The following ABHD12 variants were observed in gnomAD, a reference collection of about 807,000 sequenced individuals.
ABHD12 encodes the protein lysophosphatidylserine lipase ABHD12.
A neutral mutation model predicts 58.3 loss-of-function variants in ABHD12; 43 were observed. The ratio of observed to expected loss-of-function variants is 0.74; its 90% CI spans 0.58 to 0.95. The LOEUF is 0.95. ABHD12 is among the 40% of genes least tolerant of loss of function. ABHD12 has a pLI of 0.00. For missense variants in ABHD12, 539 were observed against 537.2 expected (o/e 1.00, Z -0.03); for synonymous variants, 219 against 211.2 (o/e 1.04, Z -0.32).
intron 2 of ABHD12, among the ~76,000 whole-genome samples, chr20:25,329,331 G>A (rs1006040972): frequency 9.9e-5 from 15 of 152,170 alleles, no homozygotes; most frequent in Non-Finnish European, 7.3e-5. Flanking sequence ...CTTCTGAACC[G>A]GGAGCTCCTC....
In ABHD12 at chr20:25,359,423, C is replaced by CAAAAA. The variant is rs565367954; in HGVS notation, c.192-20077_192-20073dup. Among the ~76,000 whole-genome samples, 260 of 63,034 alleles carry CAAAAA rather than the reference C, an allele frequency of 4.1e-3. 5 individuals are homozygous for CAAAAA. The highest frequency in any genetic ancestry group is 9.2e-3 in the African/African-American group (222 of 24,030). The allele number at this position is 63,034 out of a possible 152,430, so 41.4% of individuals were successfully genotyped here. ...TGGGCCACAGAGCGAGACTCCGTCT[C>CAAAAA]AAAAAAAAAAAAAAAAAAAAAACAT... On this transcript the variant is annotated intron_variant, in intron 1 of 12. Transcript: ENST00000339157.
chr20:25,305,293 G>C (rs1568712519), intron 10 of ABHD12, among the ~76,000 whole-genome samples: 1 of 151,714 alleles, frequency 6.6e-6, no homozygotes, highest in African/African-American at 2.4e-5. Context: ...TACTTGATGG[G>C]AAAAAATACT....
At chr20:25,370,446 A>G (rs1450511963) in intron 1 of ABHD12, among the ~76,000 whole-genome samples, 1 of 152,366 alleles carries the variant, frequency 6.6e-6, no homozygotes, top group Admixed American at 6.5e-5. Context: ...GCACAGCCGC[A>G]GAGTCACCAA....
chr20:25,381,508 T>C (rs2090021336), intron 1 of ABHD12, among the ~76,000 whole-genome samples: 1 of 152,142 alleles, frequency 6.6e-6, no homozygotes, highest in African/African-American at 2.4e-5. Flanking sequence ...CATTAACTGA[T>C]CAGGATGGAC....
chr20:25,322,851 T>G (rs1600797337), intron 3 of ABHD12, among the ~76,000 whole-genome samples: 1 of 152,012 alleles, frequency 6.6e-6, no homozygotes, highest in East Asian at 1.9e-4. Flanking sequence ...GCCTCCCAAG[T>G]AGCTGGGATT....
At chr20:25,352,842 A>G (rs2089619246) in intron 1 of ABHD12, among the ~76,000 whole-genome samples, 1 of 152,114 alleles carries the variant, frequency 6.6e-6, no homozygotes, top group Non-Finnish European at 1.5e-5. Context: ...ACAGGAGTTC[A>G]GGACCAGCCT....
chr20:25,303,307 T>C, intron 11 of ABHD12: 2 of 1,394,770 alleles, frequency 1.4e-6, no homozygotes, highest in Non-Finnish European at 1.9e-6. Flanking sequence ...TTCATATTCT[T>C]GGAGACAGCA....
chr20:25,303,336 A>C (rs1309586304), intron 11 of ABHD12: 1 of 1,455,340 alleles, frequency 6.9e-7, no homozygotes, highest in East Asian at 2.6e-5. Context: ...CCCCTGCCCC[A>C]ACCTTTACAC....
In ABHD12 at chr20:25,361,833, T is replaced by C. The variant is rs936470774; in HGVS notation, c.192-22482A>G. Among the ~76,000 whole-genome samples the C allele has an allele frequency of 2.6e-5, 4 of 152,058 alleles. No homozygotes were observed. The East Asian group carries it at 5.8e-4, about 22-fold the overall frequency. The stretch of plus-strand genomic sequence containing the variant: ...AGCTGGGCGTGGTGGCGGGCGCCTG[T>C]AGTCCCAGCTACTCGGGAGGTTGAG... On this transcript the variant is annotated intron_variant, in intron 1 of 12. Coordinates refer to ENST00000339157, the MANE Select transcript of ABHD12 (RefSeq NM_001042472.3).
At chr20:25,334,426 A>T (rs1302384198) in intron 2 of ABHD12, among the ~76,000 whole-genome samples, 66 of 148,144 alleles carry the variant, frequency 4.5e-4, no homozygotes, top group Admixed American at 8.7e-4. Flanking sequence ...GCTACCAATG[A>T]CTTTCTTCAC....
chr20:25,330,612 G>T (rs1238946712), intron 2 of ABHD12, among the ~76,000 whole-genome samples: 4 of 152,252 alleles, frequency 2.6e-5, no homozygotes. Context: ...CGCACCTGGA[G>T]ATCTGAGAAC....
At chr20:25,341,428 AG>A (rs962231034) in intron 1 of ABHD12, among the ~76,000 whole-genome samples, 1 of 152,220 alleles carries the variant, frequency 6.6e-6, no homozygotes, top group Admixed American at 6.5e-5. Context: ...CTTTTCAATG[AG>A]GGTACATTAA....
intron 1 of ABHD12, among the ~76,000 whole-genome samples, chr20:25,351,002 CACACACA>C (rs1341632093): frequency 1.9e-3 from 217 of 116,540 alleles, no homozygotes; most frequent in South Asian, 2.2e-3. Flanking sequence ...CACACACACA[CACACACA>C]CCCTTATTAA....
At chr20:25,376,933 G>GA (rs948669581) in intron 1 of ABHD12, among the ~76,000 whole-genome samples, 87 of 151,096 alleles carry the variant, frequency 5.8e-4, no homozygotes, top group Non-Finnish European at 1.1e-3. Context: ...TTTGGAATCA[G>GA]AAAAAAAAAT....
At chr20:25,306,254 AT>A (rs1465425820) in intron 10 of ABHD12, among the ~76,000 whole-genome samples, 2 of 152,134 alleles carry the variant, frequency 1.3e-5, no homozygotes, top group African/African-American at 4.8e-5. Flanking sequence ...TTCACAAACC[AT>A]TTTGAAATAA....
chr20:25,295,482 C>T, downstream of ABHD12: 9 of 1,140,148 alleles, frequency 7.9e-6, no homozygotes, highest in Non-Finnish European at 9.1e-6. Context: ...GTGGGTGGGC[C>T]CCTTCGCTCC....
intron 1 of ABHD12, among the ~76,000 whole-genome samples, chr20:25,377,613 A>G (rs1437179581): frequency 6.6e-6 from 1 of 152,056 alleles, no homozygotes; most frequent in Non-Finnish European, 1.5e-5. Context: ...CCCTCAATAA[A>G]CCATTAATCT....
chr20:25,329,131 C>T (rs1271241981), intron 2 of ABHD12, among the ~76,000 whole-genome samples: 1 of 152,230 alleles, frequency 6.6e-6, no homozygotes, highest in African/African-American at 2.4e-5. Flanking sequence ...GCCACTGACT[C>T]TTTGTGGCCC....
In ABHD12 at chr20:25,301,029, A is replaced by G. The variant is rs954576604; in HGVS notation, c.1158-145T>C. 7 of 833,472 alleles carry G rather than the reference A, an allele frequency of 8.4e-6. No homozygotes were observed. The African/African-American group carries it at 1.2e-4, about 14-fold the overall frequency. The allele number at this position is 833,472 out of a possible 1,614,324, so 51.6% of individuals were successfully genotyped here. On this transcript the variant is annotated intron_variant, in intron 12 of 12. Transcript: ENST00000339157. ...CCCATGAGGATGCGCTGTAGCCCAGAGCAGCACTCAGTGAGTTAGGCAGGG... is the reference window on the plus strand; with the variant it reads ...CCCATGAGGATGCGCTGTAGCCCAGGGCAGCACTCAGTGAGTTAGGCAGGG...
Sources: allele counts gnomAD v4.1 joint callset (sites outside exome capture counted in the v4.1 genomes callset), GRCh38; gene constraint gnomAD v4.1.1; transcripts MANE v1.5; gene names NCBI Gene and HGNC (gene_info 2026-07-23, HGNC 2026-07-21).